The following LRMDA variants were observed in gnomAD, a reference collection of about 807,000 sequenced individuals.
LRMDA encodes leucine rich melanocyte differentiation associated, also known as leucine-rich melanocyte differentiation-associated protein.
LRMDA carries 18 observed loss-of-function variants against 29.8 expected under a neutral mutation model. The ratio of observed to expected loss-of-function variants is 0.60; its 90% confidence interval spans 0.42 to 0.90. LRMDA has a LOEUF of 0.90. Ranked by LOEUF, LRMDA falls within the 40% of genes least tolerant of loss-of-function variation. The probability of loss-of-function intolerance (pLI) is 0.00; values close to 1 mark genes in which losing one functional copy is unlikely to be tolerated. For synonymous variants in LRMDA, 125 were observed against 109.4 expected (o/e 1.14, Z -0.89); for missense variants, 273 against 273.9 (o/e 1.00, Z 0.02).
intron 2 of LRMDA, among the ~76,000 whole-genome samples, chr10:75,645,678 A>AGG (rs1841510950): frequency 6.6e-6 from 1 of 152,016 alleles, no homozygotes; most frequent in African/African-American, 2.4e-5. Context: ...GGAAAGACCT[A>AGG]CATGGAACTT....
chr10:75,605,214 C>T (rs1840941108), intron 2 of LRMDA, among the ~76,000 whole-genome samples: 1 of 152,166 alleles, frequency 6.6e-6, no homozygotes, highest in South Asian at 2.1e-4. Context: ...TCAATTTCTC[C>T]AAGTTTGATT....
At chr10:76,291,928 ACG>A (rs765243096) in intron 5 of LRMDA, among the ~76,000 whole-genome samples, 1 of 109,988 alleles carries the variant, frequency 9.1e-6, no homozygotes, top group East Asian at 2.8e-4. Flanking sequence ...ACACACACAC[ACG>A]TGCACACACA....
chr10:75,846,567 T>C (rs1382750402), intron 2 of LRMDA, among the ~76,000 whole-genome samples: 1 of 152,234 alleles, frequency 6.6e-6, no homozygotes, highest in Non-Finnish European at 1.5e-5. Context: ...CATTGCCGTT[T>C]AGATTAGTTG....
rs151277975 is a variant in LRMDA, at chr10:76,439,092, T to A, written c.601+114607T>A. Among the ~76,000 whole-genome samples the A allele has an allele frequency of 1.2e-3, 182 of 152,328 alleles. 1 individual carries two copies. The East Asian group carries it at 0.012, about 10-fold the overall frequency. On this transcript the variant is annotated intron_variant, in intron 6 of 6. Coordinates refer to ENST00000611255, the MANE Select transcript of LRMDA (RefSeq NM_001305581.2). ...AAATATAAACATGAGTGAAATTAAT[T>A]TTTGGCTGCTTAGTCCATTAATATT... is the stretch of plus-strand genomic sequence containing the variant.
chr10:76,193,830 A>C (rs1364667006), intron 5 of LRMDA, among the ~76,000 whole-genome samples: 1 of 152,170 alleles, frequency 6.6e-6, no homozygotes, highest in Non-Finnish European at 1.5e-5. Context: ...AAATGTGTAT[A>C]AGGAGAGGCC....
At chr10:75,697,628 G>A (rs1589162150) in intron 2 of LRMDA, among the ~76,000 whole-genome samples, 1 of 151,950 alleles carries the variant, frequency 6.6e-6, no homozygotes, top group Non-Finnish European at 1.5e-5. Context: ...ACCAGGTGGA[G>A]GGCAGTATGC....
At chr10:76,383,952 A>G (rs1589160417) in intron 6 of LRMDA, among the ~76,000 whole-genome samples, 1 of 151,548 alleles carries the variant, frequency 6.6e-6, no homozygotes, top group African/African-American at 2.4e-5. Flanking sequence ...ATTTACTGAT[A>G]CCTGCCATTT....
chr10:76,204,580 C>T (rs1049957112), intron 5 of LRMDA, among the ~76,000 whole-genome samples: 1 of 152,234 alleles, frequency 6.6e-6, no homozygotes, highest in South Asian at 2.1e-4. Flanking sequence ...ATATCATTTA[C>T]CCAATGTCCT....
intron 2 of LRMDA, among the ~76,000 whole-genome samples, chr10:75,758,837 C>G (rs1843062767): frequency 6.6e-6 from 1 of 152,186 alleles, no homozygotes; most frequent in Admixed American, 6.5e-5. Flanking sequence ...TTATCATAAA[C>G]AGCATCCTCT....
At chr10:76,111,016 G>A (rs1849569674) in intron 5 of LRMDA, among the ~76,000 whole-genome samples, 1 of 151,898 alleles carries the variant, frequency 6.6e-6, no homozygotes, top group Admixed American at 6.6e-5. Context: ...CATCCACAAC[G>A]GGCCTTTGTT....
chr10:76,077,319 G>T (rs1401613803), intron 5 of LRMDA, among the ~76,000 whole-genome samples: 1 of 152,154 alleles, frequency 6.6e-6, no homozygotes, highest in Non-Finnish European at 1.5e-5. Flanking sequence ...TTCAAAACAA[G>T]CTTTCTAGAG....
chr10:76,356,838 G>C (rs1841246670), intron 6 of LRMDA, among the ~76,000 whole-genome samples: 1 of 152,166 alleles, frequency 6.6e-6, no homozygotes, highest in African/African-American at 2.4e-5. Context: ...ATTTCAGCGT[G>C]TCTTCCAGGG....
chr10:76,385,194 T>C (rs1418478676), intron 6 of LRMDA, among the ~76,000 whole-genome samples: 1 of 152,212 alleles, frequency 6.6e-6, no homozygotes, highest in Non-Finnish European at 1.5e-5. Context: ...GGAATTGGCT[T>C]TCAGTTGCCC....
At chr10:76,016,077 A>G (rs1330177457) in intron 2 of LRMDA, among the ~76,000 whole-genome samples, 2 of 152,180 alleles carry the variant, frequency 1.3e-5, no homozygotes, top group African/African-American at 2.4e-5. Context: ...TGAATCTTGT[A>G]TTGTTTAATT....
intron 2 of LRMDA, among the ~76,000 whole-genome samples, chr10:75,632,650 A>G (rs984971487): frequency 1.3e-5 from 2 of 151,946 alleles, no homozygotes; most frequent in African/African-American, 4.8e-5. Flanking sequence ...TTTTTCCCTG[A>G]TATGTGCCTT....
chr10:76,477,846 C>T (rs1317744238), intron 6 of LRMDA, among the ~76,000 whole-genome samples: 2 of 152,078 alleles, frequency 1.3e-5, no homozygotes, highest in Non-Finnish European at 2.9e-5. Context: ...ACTGGCTAGC[C>T]ATATGTAGAA....
chr10:75,808,181 A>G (rs923071868), intron 2 of LRMDA, among the ~76,000 whole-genome samples: 3 of 152,148 alleles, frequency 2.0e-5, no homozygotes, highest in Non-Finnish European at 4.4e-5. Context: ...TGCCTTCTGG[A>G]GAAATACATA....
intron 6 of LRMDA, among the ~76,000 whole-genome samples, chr10:76,537,457 GA>G (rs1843303436): frequency 6.6e-6 from 1 of 152,144 alleles, no homozygotes; most frequent in South Asian, 2.1e-4. Flanking sequence ...GGTCTTCATT[GA>G]GCTAAAATTC....
chr10:75,804,569 C>T (rs1186044007), intron 2 of LRMDA, among the ~76,000 whole-genome samples: 1 of 152,148 alleles, frequency 6.6e-6, no homozygotes, highest in Non-Finnish European at 1.5e-5. Context: ...TTCAAGGGTT[C>T]GATTTTCCTC....
Sources: allele counts gnomAD v4.1 joint callset (sites outside exome capture counted in the v4.1 genomes callset), GRCh38; gene constraint gnomAD v4.1.1; transcripts MANE v1.5; gene names NCBI Gene and HGNC (gene_info 2026-07-23, HGNC 2026-07-21).